CHN2: variants seen among roughly 807,000 people sequenced by gnomAD.
The protein encoded by CHN2 is chimerin 2, also known as beta-chimaerin.
Under a neutral mutation model 56.3 loss-of-function variants are expected in CHN2, and 35 were observed. The observed-to-expected ratio is 0.62, with a 90% CI of 0.47 to 0.82. CHN2 has a LOEUF of 0.82. Among genes scored for constraint, CHN2 ranks in the 40% least tolerant of loss-of-function variants. CHN2 has a pLI of 0.00. For missense variants in CHN2, 491 were observed against 580.5 expected (o/e 0.85, Z 1.58); for synonymous variants, 210 against 212.8 (o/e 0.99, Z 0.12).
At chr7:29,191,100 T>C (rs185012218), upstream of CHN2, among the ~76,000 whole-genome samples, 1 of 152,226 alleles carries the variant, frequency 6.6e-6, no homozygotes, top group African/African-American at 2.4e-5. Flanking sequence ...GCCTGGCTAA[T>C]TTATTTTTTA....
At chr7:29,352,657 A>G (rs1178013819) in intron 1 of CHN2, among the ~76,000 whole-genome samples, 2 of 152,182 alleles carry the variant, frequency 1.3e-5, no homozygotes, top group African/African-American at 4.8e-5. Context: ...TAGGAGGCAG[A>G]GGTTGCAGTG....
intron 1 of CHN2, among the ~76,000 whole-genome samples, chr7:29,349,589 A>G (rs1019401062): frequency 6.6e-6 from 1 of 152,322 alleles, no homozygotes; most frequent in African/African-American, 2.4e-5. Flanking sequence ...AGAGCGATGA[A>G]CATCTTGTTC....
intron 9 of CHN2, among the ~76,000 whole-genome samples, chr7:29,501,088 T>C (rs1268052817): frequency 7.0e-6 from 1 of 143,230 alleles, no homozygotes; most frequent in Non-Finnish European, 1.5e-5. Flanking sequence ...TAATATATTT[T>C]ATACATATAT....
chr7:29,206,989 T>C (rs1297590444), intron 1 of CHN2, among the ~76,000 whole-genome samples: 1 of 152,212 alleles, frequency 6.6e-6, no homozygotes, highest in Non-Finnish European at 1.5e-5. Flanking sequence ...TGAGTTCTTT[T>C]TGTGGTAACG....
intron 7 of CHN2, among the ~76,000 whole-genome samples, chr7:29,494,418 A>G (rs935781566): frequency 2.0e-5 from 3 of 152,198 alleles, no homozygotes; most frequent in African/African-American, 7.2e-5. Context: ...CTGAATTTAG[A>G]AAATGTCCAA....
chr7:29,258,462 G>A (rs985382010), intron 1 of CHN2, among the ~76,000 whole-genome samples: 8 of 152,238 alleles, frequency 5.3e-5, no homozygotes, highest in African/African-American at 1.9e-4. Context: ...ATCTGGAAGT[G>A]TTTCTCTGCT....
intron 6 of CHN2, among the ~76,000 whole-genome samples, chr7:29,440,818 G>A (rs1399059356): frequency 6.6e-6 from 1 of 151,380 alleles, no homozygotes; most frequent in East Asian, 1.9e-4. Flanking sequence ...TAAGAAGAAA[G>A]CCCATACATC....
intron 1 of CHN2, among the ~76,000 whole-genome samples, chr7:29,340,031 G>C (rs1427216337): frequency 1.3e-5 from 2 of 151,984 alleles, no homozygotes; most frequent in Non-Finnish European, 2.9e-5. Flanking sequence ...CATTGGACAG[G>C]GACTTTACAA....
At chr7:29,146,904 A>T in exon 2 of CHN2, 1 of 1,551,170 alleles carries the variant, frequency 6.4e-7, no homozygotes, top group Non-Finnish European at 8.7e-7. Context: ...TTTGATTCCC[A>T]CTGTTTAAAA....
chr7:29,332,429 A>G (rs186290588), intron 1 of CHN2, among the ~76,000 whole-genome samples: 66 of 152,256 alleles, frequency 4.3e-4, no homozygotes, highest in African/African-American at 1.5e-3. Context: ...TTTTTACTCT[A>G]TGAGGATGCA....
intron 1 of CHN2, among the ~76,000 whole-genome samples, chr7:29,334,960 C>T (rs961938979): frequency 3.9e-5 from 6 of 152,106 alleles, no homozygotes; most frequent in East Asian, 1.9e-4. Context: ...TACTGACACC[C>T]GGAATGATTC....
chr7:29,150,325 T>A (rs1457884740), intron 2 of CHN2, among the ~76,000 whole-genome samples: 2 of 152,198 alleles, frequency 1.3e-5, no homozygotes, highest in Non-Finnish European at 2.9e-5. Flanking sequence ...AAGATAGTAG[T>A]ACATATAAAG....
At chr7:29,421,136 A>C (rs1010296928) in intron 6 of CHN2, among the ~76,000 whole-genome samples, 1 of 152,160 alleles carries the variant, frequency 6.6e-6, no homozygotes, top group African/African-American at 2.4e-5. Flanking sequence ...AGAAAAACTC[A>C]ATCTAGAGAA....
At chr7:29,342,397 A>G (rs1371372756) in intron 1 of CHN2, among the ~76,000 whole-genome samples, 1 of 152,198 alleles carries the variant, frequency 6.6e-6, no homozygotes, top group African/African-American at 2.4e-5. Context: ...CTACTTCAGG[A>G]CTACTTGACT....
intron 3 of CHN2, among the ~76,000 whole-genome samples, chr7:29,388,132 G>A (rs117796843): frequency 0.024 from 3,695 of 152,276 alleles, 70 homozygotes; most frequent in Non-Finnish European, 0.035. Flanking sequence ...GACTCTTGCT[G>A]TTTGAAGCTT....
chr7:29,512,616 G>A lies in CHN2; in HGVS notation c.1288G>A (p.Val430Met). ...NFMNAENLGI[V>M]FGPTLMRPPE... Reference sequence around the variant, plus strand: ...CATGAATGCAGAAAATCTGGGGATCGTGTTTGGGCCCACTCTGATGAGGCC... The same window carrying A: ...CATGAATGCAGAAAATCTGGGGATCATGTTTGGGCCCACTCTGATGAGGCC... The change falls in exon 13 of 13, where the codon GTG becomes ATG. Residue 430 changes from valine (V) to methionine (M), a missense_variant. Val to Met is a conservative substitution (Grantham distance 21). Coordinates refer to ENST00000222792, the MANE Select transcript of CHN2 (RefSeq NM_004067.4). 2.5e-6 allele frequency: 4 copies of A among 1,613,822 alleles called. No individual in the cohort carries two copies. Among genetic ancestry groups the A allele is most frequent in the South Asian group, 1.1e-5 (1 of 91,006 alleles).
intron 1 of CHN2, among the ~76,000 whole-genome samples, chr7:29,202,253 T>A (rs971751391): frequency 3.9e-5 from 6 of 152,196 alleles, no homozygotes; most frequent in Non-Finnish European, 8.8e-5. Flanking sequence ...TCTACCAACC[T>A]GGCCATCAGC....
chr7:29,229,642 C>T (rs1381100169), intron 1 of CHN2, among the ~76,000 whole-genome samples: 14 of 152,132 alleles, frequency 9.2e-5, no homozygotes, highest in African/African-American at 2.9e-4. Context: ...AATTGGAAAA[C>T]GAAGGCCTAC....
chr7:29,319,727 A>G (rs1795206436), intron 1 of CHN2, among the ~76,000 whole-genome samples: 1 of 152,076 alleles, frequency 6.6e-6, no homozygotes, highest in African/African-American at 2.4e-5. Context: ...CTTCACTCCC[A>G]TGGGTGCCTG....
Sources: allele counts gnomAD v4.1 joint callset (sites outside exome capture counted in the v4.1 genomes callset), GRCh38; gene constraint gnomAD v4.1.1; transcripts MANE v1.5; gene names NCBI Gene and HGNC (gene_info 2026-07-23, HGNC 2026-07-21).